Variants in REPS2 observed in about 807,000 individuals in gnomAD.
REPS2 encodes the protein RALBP1 associated Eps domain containing 2.
Under a neutral mutation model 53.6 loss-of-function variants are expected in REPS2, and 23 were observed. The observed-to-expected ratio is 0.43, with a 90% CI of 0.31 to 0.61. REPS2 has a LOEUF of 0.61. Among genes scored for constraint, REPS2 ranks in the 20% least tolerant of loss-of-function variants. The pLI is 0.11. For synonymous variants in REPS2, 238 were observed against 218.6 expected (o/e 1.09, Z -0.78); for missense variants, 446 against 534.9 (o/e 0.83, Z 1.64).
At chrX:17,191,065 C>T in the REPS2 span, among the ~76,000 whole-genome samples, 3 of 110,360 alleles carry the variant, frequency 2.7e-5, no homozygotes, top group East Asian at 2.8e-4. Flanking sequence ...TCCTTAGACA[C>T]GACACAAAAA....
At chrX:17,057,276 G>A (rs2062083865) in intron 8 of REPS2, among the ~76,000 whole-genome samples, 1 of 111,998 alleles carries the variant, frequency 8.9e-6, no homozygotes, top group Admixed American at 9.5e-5. Context: ...GATTCAAAGT[G>A]GCAAATGTCT....
chrX:17,018,057 C>T (rs926614211), intron 2 of REPS2, among the ~76,000 whole-genome samples: 14 of 111,931 alleles, frequency 1.3e-4, no homozygotes, highest in African/African-American at 4.2e-4. Context: ...CCCATCTTAA[C>T]CATTTTAAAT....
At position 17,098,480 on chromosome X, in the gene REPS2, A is replaced by G. The variant is rs1382527679; in HGVS notation, c.1517-5238A>G. 4.5e-5 allele frequency among the ~76,000 whole-genome samples: 5 copies of G among 112,294 alleles called. No homozygotes were observed. In the South Asian group the frequency reaches 1.8e-3, roughly 41 times the overall value. On this transcript the variant is annotated intron_variant, in intron 13 of 17. Transcript: ENST00000357277. Reference sequence around the variant, plus strand: ...CAAAGTTTTCAAAGAAATCTAACACATGCCTAAAAAGATTTTACAATGTAG... The same window carrying G: ...CAAAGTTTTCAAAGAAATCTAACACGTGCCTAAAAAGATTTTACAATGTAG...
intron 13 of REPS2, among the ~76,000 whole-genome samples, chrX:17,081,916 CTATATT>C (rs1461519297): frequency 8.9e-6 from 1 of 112,441 alleles, no homozygotes; most frequent in East Asian, 2.8e-4. Context: ...TTTTATGTCT[CTATATT>C]TATAGCTATG....
At chrX:17,094,420 A>T (rs1192672649) in intron 13 of REPS2, among the ~76,000 whole-genome samples, 1 of 112,019 alleles carries the variant, frequency 8.9e-6, no homozygotes, top group Non-Finnish European at 1.9e-5. Flanking sequence ...ATATCATGAT[A>T]TACCTTGTCA....
chrX:17,101,491 C>T (rs1441829329), intron 13 of REPS2, among the ~76,000 whole-genome samples: 1 of 111,715 alleles, frequency 9.0e-6, no homozygotes, highest in Non-Finnish European at 1.9e-5. Context: ...CAGTCTTTTA[C>T]CCTATTTCTT....
At chrX:17,022,092 A>G in intron 2 of REPS2, 31 bp from the exon 3 acceptor site, 1 of 1,186,962 alleles carries the variant, frequency 8.4e-7, no homozygotes, top group Non-Finnish European at 1.1e-6. Context: ...ATTAAGTCTG[A>G]CTAGAGCTTC....
chrX:17,093,166 C>CCA (rs2062641320), intron 13 of REPS2, among the ~76,000 whole-genome samples: 20 of 39,104 alleles, frequency 5.1e-4, no homozygotes, highest in South Asian at 2.2e-3. Flanking sequence ...TGAGTTAATG[C>CCA]TATATATATA....
At chrX:17,057,147 C>A (rs1432894022) in intron 8 of REPS2, among the ~76,000 whole-genome samples, 3 of 111,952 alleles carry the variant, frequency 2.7e-5, no homozygotes, top group African/African-American at 9.7e-5. Context: ...TGATTATTAG[C>A]AAGAGAGAGC....
At chrX:17,050,394 C>T (rs1247930146) in intron 6 of REPS2, among the ~76,000 whole-genome samples, 1 of 105,399 alleles carries the variant, frequency 9.5e-6, no homozygotes, top group Non-Finnish European at 1.9e-5. Flanking sequence ...CACTATGTTG[C>T]CCAGGCTGTT....
intron 16 of REPS2, 99 bp from the exon 17 acceptor site, chrX:17,138,757 C>T: frequency 6.7e-6 from 3 of 445,148 alleles, no homozygotes; most frequent in Middle Eastern, 5.0e-4. Context: ...TGTTGTTAAC[C>T]ACTTGTTAGT....
At chrX:16,971,961 T>C (rs142429228) in intron 1 of REPS2, among the ~76,000 whole-genome samples, 89 of 112,268 alleles carry the variant, frequency 7.9e-4, no homozygotes, top group African/African-American at 2.6e-3. Flanking sequence ...ATGTCTTATA[T>C]GCATCAAAAC....
At chrX:17,159,979 T>C in the REPS2 span, among the ~76,000 whole-genome samples, 23,845 of 111,467 alleles carry the variant, frequency 0.21, 2,342 homozygotes, top group African/African-American at 0.37. Context: ...GGAATTCTCT[T>C]TCCTAAAAAC....
intron 1 of REPS2, among the ~76,000 whole-genome samples, chrX:16,977,974 GTCTC>G (rs2060976612): frequency 9.0e-6 from 1 of 111,281 alleles, no homozygotes; most frequent in African/African-American, 3.3e-5. Flanking sequence ...TCTGTGGCCA[GTCTC>G]TCTCCATGTG....
At chrX:17,117,091 G>C (rs1489465253) in intron 14 of REPS2, among the ~76,000 whole-genome samples, 2 of 111,003 alleles carry the variant, frequency 1.8e-5, no homozygotes, top group Admixed American at 9.6e-5. Flanking sequence ...GCTTAGCCCA[G>C]AACCAGGCTT....
intron 13 of REPS2, among the ~76,000 whole-genome samples, chrX:17,096,584 C>T (rs760166057): frequency 2.6e-3 from 212 of 82,682 alleles, no homozygotes; most frequent in Non-Finnish European, 3.2e-3. Context: ...GGCGTGAACC[C>T]GGGAGGCGGA....
Position 17,069,977 on chromosome X carries a change from C to T in REPS2, c.1317C>T (p.Asp439=), listed in dbSNP as rs769224627. The T allele has an allele frequency of 5.3e-6, 6 of 1,125,723 alleles. No individual in the cohort carries two copies. Among genetic ancestry groups the T allele is most frequent in the Admixed American group, 2.6e-5 (1 of 39,171 alleles). 92.8% of individuals were successfully genotyped at this position (1,125,723 alleles called of 1,213,427 possible). A position where few individuals can be genotyped will look rare whatever the true frequency, so the allele number is the denominator to read the frequency against. ...KSTINEALPK[D]VSEDPATPKD... ...CTATCAATGAAGCCTTACCAAAGGA[C>T]GTGTCTGAGGATCCAGGTAGGAGAA... is the stretch of plus-strand genomic sequence containing the variant. Residue 439 remains aspartate, a synonymous_variant, in exon 11 of 18, where the codon GAC becomes GAT. Coordinates refer to ENST00000357277, the MANE Select transcript of REPS2 (RefSeq NM_004726.3).
At position 17,043,776 on chromosome X, in the gene REPS2, C is replaced by T. The variant is rs186601721; in HGVS notation, c.772-3571C>T. 2.0e-3 allele frequency among the ~76,000 whole-genome samples: 226 copies of T among 112,954 alleles called. 1 individual carries two copies. The highest frequency in any genetic ancestry group is 0.018 in the Admixed American group (192 of 10,747). On this transcript the variant is annotated intron_variant, in intron 5 of 17. Transcript: ENST00000357277. ...TGAACCCTTACTCCCACTCAGGTGACGCCAGGTGTGAGGTGGGTCATGGTG... is the reference window on the plus strand; with the variant it reads ...TGAACCCTTACTCCCACTCAGGTGATGCCAGGTGTGAGGTGGGTCATGGTG...
the REPS2 span, among the ~76,000 whole-genome samples, chrX:17,167,084 A>G: frequency 2.7e-5 from 3 of 111,653 alleles, no homozygotes; most frequent in Non-Finnish European, 5.6e-5. Context: ...TCATGTATAC[A>G]GTGTGGGAGT....
Sources: gnomAD v4.1 joint callset for allele counts (sites outside exome capture counted in the v4.1 genomes callset) on GRCh38, gnomAD v4.1.1 for gene constraint, MANE v1.5 for transcripts, NCBI Gene and HGNC (gene_info 2026-07-23, HGNC 2026-07-21) for gene names.